PIP4P2: variants seen among roughly 807,000 people sequenced by gnomAD.
PIP4P2 encodes the protein type 2 phosphatidylinositol 4,5-bisphosphate 4-phosphatase.
In PIP4P2, 19 loss-of-function variants were observed where a neutral mutation model predicts 33.3. That is an observed-to-expected ratio of 0.57 (90% confidence interval 0.40 to 0.84). PIP4P2 has a LOEUF of 0.84. Ranked by LOEUF, PIP4P2 falls within the 40% of genes least tolerant of loss-of-function variation. The pLI is 0.00. For missense variants in PIP4P2, 270 were observed against 324.7 expected (o/e 0.83, Z 1.29); for synonymous variants, 110 against 111.9 (o/e 0.98, Z 0.11).
chr8:91,024,965 G>C (rs1337428502), intron 1 of PIP4P2, among the ~76,000 whole-genome samples: 1 of 152,030 alleles, frequency 6.6e-6, no homozygotes, highest in Admixed American at 6.6e-5. Context: ...CTTTTTAAGG[G>C]TTATACACAA....
At chr8:91,040,517 T>G in intron 1 of PIP4P2, 127 bp downstream of exon 1, 1 of 1,071,398 alleles carries the variant, frequency 9.3e-7, no homozygotes, top group Non-Finnish European at 1.4e-6. Flanking sequence ...ACAGTCAGCA[T>G]CCTTCCTCAG....
At chr8:91,009,822 T>C (rs1811808854) in intron 4 of PIP4P2, among the ~76,000 whole-genome samples, 1 of 151,934 alleles carries the variant, frequency 6.6e-6, no homozygotes, top group Admixed American at 6.6e-5. Context: ...CTAAACTCCT[T>C]TCTCTTCATT....
chr8:91,022,875 T>G (rs1170848770), intron 1 of PIP4P2, among the ~76,000 whole-genome samples: 2 of 152,170 alleles, frequency 1.3e-5, no homozygotes, highest in African/African-American at 4.8e-5. Flanking sequence ...CACTTTGAAA[T>G]GACGATATGC....
chr8:91,034,691 T>C (rs1812213848), intron 1 of PIP4P2, among the ~76,000 whole-genome samples: 1 of 152,146 alleles, frequency 6.6e-6, no homozygotes, highest in Non-Finnish European at 1.5e-5. Flanking sequence ...CAATCTGGCT[T>C]CCAGTGGGTT....
rs118038528 is a variant in PIP4P2 at position 91,019,520 on chromosome 8, A to T, written c.362+637T>A. 5.7e-3 allele frequency among the ~76,000 whole-genome samples: 852 copies of T among 150,456 alleles called. 10 individuals carry two copies. The highest frequency in any genetic ancestry group is 0.051 in the East Asian group (262 of 5,098). On this transcript the variant is annotated intron_variant, in intron 3 of 6. Transcript: ENST00000285419. ...TTTCAGGGCAGAAGGTAGAGGTCAC[A>T]GTGAGCCAACTCTTTTGAGACTCTT...
intron 3 of PIP4P2, among the ~76,000 whole-genome samples, chr8:91,018,842 A>T (rs977010923): frequency 1.3e-5 from 2 of 152,222 alleles, no homozygotes; most frequent in Non-Finnish European, 2.9e-5. Flanking sequence ...TGAGTTTGGT[A>T]GAAGACTAAG....
At chr8:91,008,869 T>C in intron 4 of PIP4P2, 74 bp from the exon 5 acceptor site, 1 of 1,330,136 alleles carries the variant, frequency 7.5e-7, no homozygotes, top group South Asian at 1.3e-5. Flanking sequence ...ACATTTCTTT[T>C]ACTTTAAATG....
chr8:91,001,031 T>C (rs1811691573), intron 5 of PIP4P2, among the ~76,000 whole-genome samples: 1 of 152,064 alleles, frequency 6.6e-6, no homozygotes, highest in South Asian at 2.1e-4. Flanking sequence ...TCTGTAATAA[T>C]TTCTAGAAGT....
At chr8:91,031,803 T>C (rs925659139) in intron 1 of PIP4P2, among the ~76,000 whole-genome samples, 15 of 152,156 alleles carry the variant, frequency 9.9e-5, no homozygotes, top group African/African-American at 3.6e-4. Flanking sequence ...AAGAGGGACA[T>C]TGGAAGTAAA....
At chr8:90,997,125 T>TA (rs1382229418) in intron 5 of PIP4P2, among the ~76,000 whole-genome samples, 9 of 152,000 alleles carry the variant, frequency 5.9e-5, no homozygotes, top group Admixed American at 5.9e-4. Context: ...TGTGTTTATG[T>TA]AAAAAATTTA....
intron 2 of PIP4P2, among the ~76,000 whole-genome samples, chr8:91,020,681 A>G (rs1302780636): frequency 1.3e-5 from 2 of 152,166 alleles, no homozygotes; most frequent in Non-Finnish European, 2.9e-5. Context: ...CCAAAGCTCA[A>G]TTTTTAAAAA....
At chr8:91,014,091 AGAGGGACTAT>A (rs760120953) in intron 4 of PIP4P2, among the ~76,000 whole-genome samples, 2 of 152,202 alleles carry the variant, frequency 1.3e-5, no homozygotes, top group African/African-American at 2.4e-5. Flanking sequence ...GGATAAAAAA[AGAGGGACTAT>A]GACTTCAAAT....
At chr8:90,998,517 G>A (rs1811659388) in intron 5 of PIP4P2, among the ~76,000 whole-genome samples, 1 of 151,760 alleles carries the variant, frequency 6.6e-6, no homozygotes, top group Non-Finnish European at 1.5e-5. Flanking sequence ...GTACATATGT[G>A]GTATCTACAT....
At chr8:91,014,825 A>G (rs1287728695) in intron 4 of PIP4P2, among the ~76,000 whole-genome samples, 2 of 151,584 alleles carry the variant, frequency 1.3e-5, no homozygotes, top group Admixed American at 6.6e-5. Flanking sequence ...TCAAAATGTT[A>G]ATTAACTTGA....
At chr8:91,037,392 G>A (rs1812246439) in intron 1 of PIP4P2, among the ~76,000 whole-genome samples, 1 of 152,064 alleles carries the variant, frequency 6.6e-6, no homozygotes. Context: ...TCCACCTTTT[G>A]CCAAGTTAAC....
At chr8:91,003,903 A>C (rs774030441) in intron 5 of PIP4P2, among the ~76,000 whole-genome samples, 1 of 152,100 alleles carries the variant, frequency 6.6e-6, no homozygotes, top group African/African-American at 2.4e-5. Flanking sequence ...AAGGAAAAGA[A>C]ACCATTGTAT....
At chr8:91,010,094 C>T (rs1811812084) in intron 4 of PIP4P2, among the ~76,000 whole-genome samples, 1 of 151,738 alleles carries the variant, frequency 6.6e-6, no homozygotes. Flanking sequence ...TATTTTAAAA[C>T]TGCTCTTAAA....
chr8:91,029,704 T>A (rs1298533839), intron 1 of PIP4P2, among the ~76,000 whole-genome samples: 3 of 152,112 alleles, frequency 2.0e-5, no homozygotes, highest in African/African-American at 7.2e-5. Context: ...TAGATAAGTA[T>A]TAAGATATGT....
intron 1 of PIP4P2, among the ~76,000 whole-genome samples, chr8:91,027,049 T>C (rs548778128): frequency 6.6e-6 from 1 of 152,346 alleles, no homozygotes; most frequent in Admixed American, 6.5e-5. Flanking sequence ...AGGGAATGTC[T>C]ATCTTAACCT....
Sources: gnomAD v4.1 joint callset for allele counts (sites outside exome capture counted in the v4.1 genomes callset) on GRCh38, gnomAD v4.1.1 for gene constraint, MANE v1.5 for transcripts, NCBI Gene and HGNC (gene_info 2026-07-23, HGNC 2026-07-21) for gene names.